Variants in COL25A1 observed in about 807,000 individuals in gnomAD.
COL25A1 encodes the protein collagen type XXV alpha 1 chain.
Under a neutral mutation model 128.4 loss-of-function variants are expected in COL25A1, and 103 were observed. The observed-to-expected ratio is 0.80, with a 90% CI of 0.68 to 0.94. COL25A1 has a LOEUF of 0.94. Ranked by LOEUF, COL25A1 falls within the 40% of genes least tolerant of loss-of-function variation. The probability of loss-of-function intolerance (pLI) is 0.00; values close to 1 mark genes in which losing one functional copy is unlikely to be tolerated. For synonymous variants in COL25A1, 279 were observed against 277.2 expected (o/e 1.01, Z -0.06); for missense variants, 745 against 840.0 (o/e 0.89, Z 1.40).
At chr4:109,249,867 T>A (rs1780532176) in intron 3 of COL25A1, among the ~76,000 whole-genome samples, 1 of 152,188 alleles carries the variant, frequency 6.6e-6, no homozygotes, top group Non-Finnish European at 1.5e-5. Context: ...ATAAATAATC[T>A]ATATTATTAT....
At chr4:109,141,390 T>C (rs1471200145) in intron 3 of COL25A1, among the ~76,000 whole-genome samples, 1 of 151,828 alleles carries the variant, frequency 6.6e-6, no homozygotes, top group East Asian at 1.9e-4. Context: ...TGGCCAGAAA[T>C]TTCCTTTTTT....
chr4:109,041,816 A>C (rs1183411065), intron 5 of COL25A1, among the ~76,000 whole-genome samples: 2 of 152,074 alleles, frequency 1.3e-5, no homozygotes, highest in Non-Finnish European at 2.9e-5. Context: ...ATAGCCTTGG[A>C]ACACACATGT....
At chr4:109,000,762 A>G (rs1265000673) in intron 6 of COL25A1, among the ~76,000 whole-genome samples, 2 of 140,728 alleles carry the variant, frequency 1.4e-5, no homozygotes, top group Non-Finnish European at 1.5e-5. Context: ...AAAAAAAAAA[A>G]AAAAAAGAAA....
intron 3 of COL25A1, among the ~76,000 whole-genome samples, chr4:109,180,852 ATTAT>A (rs1774563358): frequency 6.6e-6 from 1 of 152,176 alleles, no homozygotes; most frequent in Non-Finnish European, 1.5e-5. Flanking sequence ...TCATTGGCTA[ATTAT>A]TTAGTATTTA....
intron 3 of COL25A1, among the ~76,000 whole-genome samples, chr4:109,176,903 C>T (rs1394213530): frequency 1.3e-5 from 2 of 152,162 alleles, no homozygotes; most frequent in Non-Finnish European, 2.9e-5. Context: ...AAGGCCAGAT[C>T]TCCCCTAGAG....
chr4:108,840,267 T>C (rs1305432142), intron 31 of COL25A1, among the ~76,000 whole-genome samples: 1 of 138,290 alleles, frequency 7.2e-6, no homozygotes, highest in Non-Finnish European at 1.6e-5. Flanking sequence ...AAAAAATCCA[T>C]GAGTAGGAAG....
At chr4:109,253,699 G>GA (rs1780821176) in intron 3 of COL25A1, among the ~76,000 whole-genome samples, 1 of 152,102 alleles carries the variant, frequency 6.6e-6, no homozygotes, top group Non-Finnish European at 1.5e-5. Flanking sequence ...AAATCTAGGT[G>GA]TTTTTTCCAC....
rs1560695465 is a variant in COL25A1, at chr4:108,819,264, GGCA to G, written c.1908_1910del (p.Ala637del). ...AGAAATACTGTACCAATTGGCAAGGGGCATCCAGCCCATCCAGGCCAGGCTGGC... is the reference window on the plus strand; with the variant it reads ...AGAAATACTGTACCAATTGGCAAGGGTCCAGCCCATCCAGGCCAGGCTGGC... On this transcript the variant is annotated inframe_deletion, in exon 36 of 38. Coordinates refer to ENST00000399132, the MANE Select transcript of COL25A1 (RefSeq NM_198721.4). 3 of 1,609,694 alleles carry G rather than the reference GGCA, an allele frequency of 1.9e-6. No homozygotes were observed.
intron 3 of COL25A1, among the ~76,000 whole-genome samples, chr4:109,085,212 G>A (rs960989537): frequency 3.9e-5 from 6 of 152,146 alleles, no homozygotes; most frequent in African/African-American, 1.4e-4. Context: ...TGCATCTAAA[G>A]AGTCCGCTGA....
chr4:109,301,936 G>A lies in COL25A1; in HGVS notation c.84C>T (p.Ala28=). ...GGACGGCACACGGGGGCATGGTCCG[G>A]GCACAATGCTGTTCGGCAGGGGTCG... ...EDPTPAEQHC[A]RTMPPCAVLA... is the part of the protein sequence containing the mutation. The change falls in exon 2 of 38, where the codon GCC becomes GCT. Residue 28 remains alanine, a synonymous_variant. Coordinates refer to ENST00000399132, the MANE Select transcript of COL25A1 (RefSeq NM_198721.4). 1 of 1,613,866 alleles carries A rather than the reference G, an allele frequency of 6.2e-7. No individual in the cohort carries two copies. The highest frequency in any genetic ancestry group is 8.5e-7 in the Non-Finnish European group (1 of 1,180,032).
At chr4:109,258,378 T>C (rs1460467595) in intron 3 of COL25A1, among the ~76,000 whole-genome samples, 1 of 152,228 alleles carries the variant, frequency 6.6e-6, no homozygotes, top group Non-Finnish European at 1.5e-5. Context: ...CTATGACCAT[T>C]TTACTAGCTG....
intron 3 of COL25A1, among the ~76,000 whole-genome samples, chr4:109,198,983 A>C (rs1404266551): frequency 1.3e-5 from 2 of 152,180 alleles, no homozygotes; most frequent in East Asian, 1.9e-4. Context: ...ATAGCAGGGA[A>C]TATTTTAACA....
intron 37 of COL25A1, among the ~76,000 whole-genome samples, chr4:108,817,132 C>T (rs184769233): frequency 2.8e-4 from 43 of 152,188 alleles, no homozygotes; most frequent in African/African-American, 8.2e-4. Flanking sequence ...GAGAGACAAG[C>T]AAAACATTAT....
In COL25A1 at chr4:109,276,034, T is replaced by A. The variant is rs142785448; in HGVS notation, c.367+24549A>T. ...CTTCCCTGCTCACTCTTCTCCTCCA[T>A]ATATACTGCTGTCATAGAACTGATA... On this transcript the variant is annotated intron_variant, in intron 3 of 37. Coordinates refer to ENST00000399132, the MANE Select transcript of COL25A1 (RefSeq NM_198721.4). Among the ~76,000 whole-genome samples the A allele has an allele frequency of 7.0e-4, 107 of 152,320 alleles. 1 individual carries two copies. Among genetic ancestry groups the A allele is most frequent in the African/African-American group, 2.1e-3 (89 of 41,570 alleles).
intron 3 of COL25A1, among the ~76,000 whole-genome samples, chr4:109,205,272 A>T (rs1776884675): frequency 1.3e-5 from 2 of 152,152 alleles, no homozygotes; most frequent in African/African-American, 4.8e-5. Context: ...TCTGTGCTGG[A>T]GAATGCTGGT....
intron 8 of COL25A1, among the ~76,000 whole-genome samples, chr4:108,952,831 C>CTTTTTTTTTTTTTTTTT (rs59761040): frequency 9.0e-5 from 6 of 66,990 alleles, no homozygotes; most frequent in Non-Finnish European, 8.1e-5. Context: ...AAAAACTCAA[C>CTTTTTTTTTTTTTTTTT]TTTTTTTTTT....
At chr4:108,961,076 A>G (rs1421620172) in intron 8 of COL25A1, among the ~76,000 whole-genome samples, 1 of 152,214 alleles carries the variant, frequency 6.6e-6, no homozygotes, top group African/African-American at 2.4e-5. Context: ...AGGAAGATAT[A>G]TCAAGTTAAT....
intron 3 of COL25A1, among the ~76,000 whole-genome samples, chr4:109,122,982 A>G (rs1317588038): frequency 6.6e-6 from 1 of 152,114 alleles, no homozygotes; most frequent in East Asian, 1.9e-4. Flanking sequence ...CAGATGACAT[A>G]GCTAGTTATC....
Position 109,038,456 on chromosome 4 carries a change from T to C in COL25A1, c.420+9712A>G, listed in dbSNP as rs547284140. Among the ~76,000 whole-genome samples the C allele has an allele frequency of 2.6e-4, 40 of 152,302 alleles. No individual in the cohort carries two copies. In the South Asian group the frequency reaches 8.3e-3, roughly 32 times the overall value. ...ACCAATTCCATAAAATAAATCCCCA[T>C]ACCTCTATAGATGCCCTATGGTTCT... On this transcript the variant is annotated intron_variant, in intron 5 of 37. Coordinates refer to ENST00000399132, the MANE Select transcript of COL25A1 (RefSeq NM_198721.4).
Sources: allele counts gnomAD v4.1 joint callset (sites outside exome capture counted in the v4.1 genomes callset), GRCh38; gene constraint gnomAD v4.1.1; transcripts MANE v1.5; gene names NCBI Gene and HGNC (gene_info 2026-07-23, HGNC 2026-07-21).